Variants in TMEM108 observed in about 807,000 individuals in gnomAD.
TMEM108 encodes transmembrane protein 108, also known as cancer/testis antigen 124.
TMEM108 carries 12 observed loss-of-function variants against 35.1 expected under a neutral mutation model. That is an observed-to-expected ratio of 0.34 (90% CI 0.22 to 0.55). The LOEUF (loss-of-function observed/expected upper bound fraction) is 0.55. TMEM108 is among the 20% of genes least tolerant of loss of function. The probability of loss-of-function intolerance (pLI) is 0.89; values close to 1 mark genes in which losing one functional copy is unlikely to be tolerated. For missense variants in TMEM108, 680 were observed against 753.3 expected (o/e 0.90, Z 1.14); for synonymous variants, 287 against 308.6 (o/e 0.93, Z 0.73).
intron 3 of TMEM108, among the ~76,000 whole-genome samples, chr3:133,366,007 A>G (rs2072492098): frequency 6.6e-6 from 1 of 152,138 alleles, no homozygotes; most frequent in South Asian, 2.1e-4. Flanking sequence ...ACAGTAATAG[A>G]CTTAGTTGTG....
chr3:133,356,593 CAA>C (rs982765753), intron 3 of TMEM108, among the ~76,000 whole-genome samples: 42 of 152,198 alleles, frequency 2.8e-4, no homozygotes, highest in African/African-American at 9.4e-4. Context: ...CTACAGTTAC[CAA>C]AACAGCATGG....
intron 3 of TMEM108, among the ~76,000 whole-genome samples, chr3:133,233,151 T>C (rs1478776033): frequency 6.6e-6 from 1 of 151,984 alleles, no homozygotes; most frequent in Non-Finnish European, 1.5e-5. Flanking sequence ...TAACTCGTCA[T>C]TTAGCATTAG....
At chr3:133,280,435 G>T (rs1409227481) in intron 3 of TMEM108, among the ~76,000 whole-genome samples, 2 of 152,070 alleles carry the variant, frequency 1.3e-5, no homozygotes, top group African/African-American at 4.8e-5. Context: ...AGTGTAGGGG[G>T]AAAGTGAAAA....
chr3:133,251,482 A>T (rs909381276), intron 3 of TMEM108, among the ~76,000 whole-genome samples: 1 of 152,158 alleles, frequency 6.6e-6, no homozygotes, highest in Non-Finnish European at 1.5e-5. Context: ...CTATGACTTA[A>T]CATAAGAAAA....
At chr3:133,234,072 T>G (rs1288270707) in intron 3 of TMEM108, among the ~76,000 whole-genome samples, 1 of 152,238 alleles carries the variant, frequency 6.6e-6, no homozygotes, top group Admixed American at 6.5e-5. Context: ...ATTTTGGCTT[T>G]TGTTGCCATT....
At chr3:133,333,345 C>A (rs887192894) in intron 3 of TMEM108, among the ~76,000 whole-genome samples, 7 of 149,400 alleles carry the variant, frequency 4.7e-5, no homozygotes, top group African/African-American at 9.8e-5. Context: ...CTTTACTCTG[C>A]TTATCCATTC....
intron 2 of TMEM108, among the ~76,000 whole-genome samples, chr3:133,057,485 A>C (rs998917376): frequency 1.4e-4 from 10 of 70,906 alleles, no homozygotes; most frequent in South Asian, 5.0e-4. Flanking sequence ...ATATATATAT[A>C]TGTGGGTTTT....
chr3:133,051,729 T>C (rs1943408556), intron 2 of TMEM108, among the ~76,000 whole-genome samples: 1 of 152,152 alleles, frequency 6.6e-6, no homozygotes, highest in African/African-American at 2.4e-5. Context: ...ATATTTTGCA[T>C]TGGATGTCCA....
chr3:133,234,687 G>A (rs1946207199), intron 3 of TMEM108, among the ~76,000 whole-genome samples: 1 of 152,068 alleles, frequency 6.6e-6, no homozygotes, highest in African/African-American at 2.4e-5. Flanking sequence ...TTGAAAACTG[G>A]CACAAGACAA....
chr3:133,199,652 C>G (rs1189573523), intron 2 of TMEM108, among the ~76,000 whole-genome samples: 1 of 152,120 alleles, frequency 6.6e-6, no homozygotes, highest in Non-Finnish European at 1.5e-5. Context: ...CTGGAAGCTT[C>G]GTCTCAGAGG....
intron 3 of TMEM108, among the ~76,000 whole-genome samples, chr3:133,266,291 T>C (rs1233891657): frequency 6.6e-6 from 1 of 152,202 alleles, no homozygotes; most frequent in African/African-American, 2.4e-5. Flanking sequence ...TTCATGAATA[T>C]CAATATTGGT....
Position 133,380,926 on chromosome 3 carries a change from G to A in TMEM108, c.1215G>A (p.Val405=), listed in dbSNP as rs117865886. Residue 405 remains valine (V), a synonymous_variant, in exon 4 of 6, where the codon GTG becomes GTA. Transcript: ENST00000321871. The surrounding 1 kb of genome is among the most constrained non-coding windows in gnomAD (Gnocchi z 5.3). ...TTTCTGGAGCCAAGGAGGAGACTGT[G>A]GCCACCCTCACCATGACCGACCGGG... The part of the protein sequence containing the change: ...STISGAKEET[V]ATLTMTDRVP... 5,498 of 1,614,140 alleles carry A rather than the reference G, an allele frequency of 3.4e-3. 116 individuals are homozygous for A. Among genetic ancestry groups the A allele is most frequent in the East Asian group, 0.032 (1,455 of 44,886 alleles).
chr3:133,272,881 G>A (rs1946792461), intron 3 of TMEM108, among the ~76,000 whole-genome samples: 1 of 151,912 alleles, frequency 6.6e-6, no homozygotes, highest in Non-Finnish European at 1.5e-5. Flanking sequence ...GGCACTTAAT[G>A]GGCAGATGCC....
At chr3:133,160,030 C>T (rs1944938578) in intron 2 of TMEM108, among the ~76,000 whole-genome samples, 1 of 152,190 alleles carries the variant, frequency 6.6e-6, no homozygotes, top group Non-Finnish European at 1.5e-5. Flanking sequence ...GCTAGGTTCA[C>T]AGTCACCTTC....
chr3:133,345,395 T>C (rs1057357785), intron 3 of TMEM108, among the ~76,000 whole-genome samples: 1 of 151,790 alleles, frequency 6.6e-6, no homozygotes, highest in Non-Finnish European at 1.5e-5. Flanking sequence ...ATAAAAGCTC[T>C]CAATTAAATG....
intron 2 of TMEM108, among the ~76,000 whole-genome samples, chr3:133,205,809 G>T (rs1290532552): frequency 6.6e-6 from 1 of 152,088 alleles, no homozygotes; most frequent in Non-Finnish European, 1.5e-5. Flanking sequence ...TATCTTTGTG[G>T]TGCTCTCTGT....
intron 4 of TMEM108, among the ~76,000 whole-genome samples, chr3:133,382,129 C>T (rs1424953730): frequency 2.0e-5 from 3 of 152,182 alleles, no homozygotes; most frequent in Non-Finnish European, 4.4e-5. Flanking sequence ...TTGCAGGAAT[C>T]CTCAGCCACA....
At chr3:133,150,639 G>C (rs1428366473) in intron 2 of TMEM108, among the ~76,000 whole-genome samples, 1 of 152,062 alleles carries the variant, frequency 6.6e-6, no homozygotes, top group Non-Finnish European at 1.5e-5. Flanking sequence ...TAGAGAATTA[G>C]AGCGTGTGAG....
At chr3:133,258,993 C>T (rs1946587351) in intron 3 of TMEM108, among the ~76,000 whole-genome samples, 1 of 152,028 alleles carries the variant, frequency 6.6e-6, no homozygotes, top group Non-Finnish European at 1.5e-5. Flanking sequence ...TTTCATTTTT[C>T]CCTTGGTTTA....
Sources: allele counts gnomAD v4.1 joint callset (sites outside exome capture counted in the v4.1 genomes callset), GRCh38; gene constraint gnomAD v4.1.1; non-coding constraint Gnocchi (gnomAD v3.1); transcripts MANE v1.5; gene names NCBI Gene and HGNC (gene_info 2026-07-23, HGNC 2026-07-21).